The following CNTN5 variants were observed in gnomAD, a reference collection of about 807,000 sequenced individuals.
The protein encoded by CNTN5 is contactin-5.
In CNTN5, 77 loss-of-function variants were observed where a neutral mutation model predicts 129.1. The observed-to-expected ratio is 0.60, with a 90% CI of 0.50 to 0.72. The LOEUF is 0.72. Among genes scored for constraint, CNTN5 ranks in the 30% least tolerant of loss-of-function variants. The pLI is 0.00. For missense variants in CNTN5, 1,478 were observed against 1,328.8 expected, an observed-to-expected ratio of 1.11 and a Z score of -1.75; for synonymous variants, 509 against 465.6, an observed-to-expected ratio of 1.09 and a Z score of -1.20.
At chr11:99,103,665 GA>G (rs367845295) in intron 1 of CNTN5, among the ~76,000 whole-genome samples, 4 of 150,568 alleles carry the variant, frequency 2.7e-5, no homozygotes, top group African/African-American at 9.7e-5. Context: ...ACCCTATTTG[GA>G]AAAAAGGGTC....
intron 21 of CNTN5, among the ~76,000 whole-genome samples, chr11:100,332,443 C>G (rs895112281): frequency 8.5e-5 from 13 of 152,098 alleles, no homozygotes; most frequent in African/African-American, 2.9e-4. Flanking sequence ...TGACACTACT[C>G]AAAAAGACAG....
intron 1 of CNTN5, among the ~76,000 whole-genome samples, chr11:99,318,737 C>A (rs1865446806): frequency 6.6e-6 from 1 of 152,084 alleles, no homozygotes; most frequent in Non-Finnish European, 1.5e-5. Flanking sequence ...TGGTACCAGA[C>A]AGGTGGCAGC....
At chr11:100,159,247 G>C (rs1947358897) in intron 13 of CNTN5, among the ~76,000 whole-genome samples, 1 of 151,612 alleles carries the variant, frequency 6.6e-6, no homozygotes, top group South Asian at 2.1e-4. Flanking sequence ...GATCATGGTG[G>C]GCCATAAAAA....
chr11:99,876,715 T>A (rs1014462166), intron 6 of CNTN5, among the ~76,000 whole-genome samples: 3 of 152,208 alleles, frequency 2.0e-5, no homozygotes, highest in Non-Finnish European at 2.9e-5. Context: ...ATGTATTATG[T>A]CAATGCCCCT....
chr11:100,128,965 A>C (rs1002162397), intron 13 of CNTN5, among the ~76,000 whole-genome samples: 4 of 152,134 alleles, frequency 2.6e-5, no homozygotes, highest in African/African-American at 9.7e-5. Flanking sequence ...ATCACTCGCT[A>C]CTATTTCAGA....
intron 3 of CNTN5, among the ~76,000 whole-genome samples, chr11:99,690,975 G>T (rs1954017733): frequency 6.6e-6 from 1 of 151,728 alleles, no homozygotes; most frequent in Non-Finnish European, 1.5e-5. Flanking sequence ...TTTCTTTCTT[G>T]TCCAGTCTTG....
chr11:99,307,419 C>T (rs1268062454), intron 1 of CNTN5, among the ~76,000 whole-genome samples: 1 of 152,092 alleles, frequency 6.6e-6, no homozygotes, highest in Non-Finnish European at 1.5e-5. Context: ...ATTTAGTTCA[C>T]CTGGTGAACA....
chr11:99,584,376 G>A (rs770861228), intron 3 of CNTN5, among the ~76,000 whole-genome samples: 32 of 152,086 alleles, frequency 2.1e-4, no homozygotes, highest in Non-Finnish European at 4.3e-4. Context: ...TCATGCTGTT[G>A]GCCACAGACA....
At chr11:99,476,645 A>G (rs924554841) in intron 2 of CNTN5, among the ~76,000 whole-genome samples, 4 of 152,118 alleles carry the variant, frequency 2.6e-5, no homozygotes, top group Non-Finnish European at 5.9e-5. Context: ...GATTTCTTCA[A>G]TGAGTGGTCA....
intron 1 of CNTN5, among the ~76,000 whole-genome samples, chr11:99,049,363 A>T (rs998414051): frequency 4.6e-5 from 7 of 152,166 alleles, no homozygotes; most frequent in African/African-American, 1.7e-4. Flanking sequence ...AAATTCTGCT[A>T]CTTTTTGAAA....
At chr11:99,983,311 G>C (rs186756947) in intron 8 of CNTN5, among the ~76,000 whole-genome samples, 702 of 152,308 alleles carry the variant, frequency 4.6e-3, no homozygotes, top group Non-Finnish European at 7.5e-3. Context: ...TGGCTGTAAA[G>C]TGTCATGGTT....
intron 8 of CNTN5, among the ~76,000 whole-genome samples, chr11:99,983,008 G>C (rs1938448967): frequency 6.6e-6 from 1 of 152,184 alleles, no homozygotes; most frequent in African/African-American, 2.4e-5. Context: ...CAGGTAGCCA[G>C]ATAGAAGTTA....
At chr11:100,119,205 C>T (rs1319637500) in intron 13 of CNTN5, among the ~76,000 whole-genome samples, 1 of 151,884 alleles carries the variant, frequency 6.6e-6, no homozygotes, top group African/African-American at 2.4e-5. Flanking sequence ...GCAGCATAAA[C>T]ACACGATTGC....
chr11:100,101,954 T>C (rs1043205782), intron 13 of CNTN5, among the ~76,000 whole-genome samples: 3 of 152,130 alleles, frequency 2.0e-5, no homozygotes, highest in Non-Finnish European at 4.4e-5. Flanking sequence ...AAACCTACCA[T>C]ATTTTCTTTG....
chr11:99,422,163 A>C (rs1942916220), intron 2 of CNTN5, among the ~76,000 whole-genome samples: 1 of 152,152 alleles, frequency 6.6e-6, no homozygotes, highest in Non-Finnish European at 1.5e-5. Context: ...AAGAAAGAAG[A>C]GGTTTAATTT....
intron 15 of CNTN5, among the ~76,000 whole-genome samples, chr11:100,197,696 A>G (rs1377242116): frequency 2.0e-5 from 3 of 152,024 alleles, no homozygotes; most frequent in East Asian, 1.9e-4. Context: ...TAATTATTCA[A>G]ATAGGATATA....
intron 7 of CNTN5, among the ~76,000 whole-genome samples, chr11:99,923,753 G>GTCTATCTATCTA (rs1353477282): frequency 0.019 from 2,235 of 116,106 alleles, 19 homozygotes; most frequent in East Asian, 0.029. Context: ...TAATCTATCT[G>GTCTATCTATCTA]TCTGTCTATC....
chr11:100,311,575 G>A (rs1423734670), intron 21 of CNTN5, among the ~76,000 whole-genome samples: 1 of 152,066 alleles, frequency 6.6e-6, no homozygotes, highest in African/African-American at 2.4e-5. Flanking sequence ...ATTGAGCTCT[G>A]GGGTGGCCCA....
chr11:99,664,099 A>G (rs1304405197), intron 3 of CNTN5, among the ~76,000 whole-genome samples: 3 of 152,178 alleles, frequency 2.0e-5, no homozygotes, highest in African/African-American at 7.2e-5. Flanking sequence ...TATAAAGTCT[A>G]TTAAGACTGA....
Sources: allele counts gnomAD v4.1 joint callset (sites outside exome capture counted in the v4.1 genomes callset), GRCh38; gene constraint gnomAD v4.1.1; transcripts MANE v1.5; gene names NCBI Gene and HGNC (gene_info 2026-07-23, HGNC 2026-07-21).